Variants in SYTL2 observed in about 807,000 individuals in gnomAD.
SYTL2 encodes synaptotagmin-like protein 2.
SYTL2 carries 165 observed loss-of-function variants against 198.7 expected under a neutral mutation model. That is an observed-to-expected ratio of 0.83 (90% CI 0.73 to 0.94). The LOEUF (loss-of-function observed/expected upper bound fraction) is 0.94, where lower values mean the gene tolerates loss of function less well. Ranked by LOEUF, SYTL2 falls within the 40% of genes least tolerant of loss-of-function variation. The pLI is 0.00. For synonymous variants in SYTL2, 966 were observed against 917.7 expected (o/e 1.05, Z -0.95); for missense variants, 2,835 against 2,582.8 (o/e 1.10, Z -2.12).
At chr11:85,794,904 A>C (rs2092780506) in intron 1 of SYTL2, among the ~76,000 whole-genome samples, 1 of 151,962 alleles carries the variant, frequency 6.6e-6, no homozygotes, top group Admixed American at 6.6e-5. Context: ...CCAAGAAAAA[A>C]CAATAAAGAG....
the SYTL2 span, among the ~76,000 whole-genome samples, chr11:85,848,979 G>A: frequency 1.3e-5 from 2 of 152,178 alleles, no homozygotes; most frequent in Non-Finnish European, 2.9e-5. Context: ...AAAAAAAAGT[G>A]AACTGCAGGT....
At chr11:85,820,855 T>C in the SYTL2 span, among the ~76,000 whole-genome samples, 1 of 152,218 alleles carries the variant, frequency 6.6e-6, no homozygotes, top group Non-Finnish European at 1.5e-5. Flanking sequence ...GCATGTTATA[T>C]CTCAATTTTT....
In SYTL2 at chr11:85,726,114, G is replaced by GC. The variant is rs1379739846; in HGVS notation, c.3243dup (p.Pro1082AlafsTer4). 1 of 1,613,848 alleles carries GC rather than the reference G, an allele frequency of 6.2e-7. No homozygotes were observed. Among genetic ancestry groups the GC allele is most frequent in the East Asian group, 2.2e-5 (1 of 44,862 alleles). ...TTTTCCTTTGATGACTCATTTCCTG[G>GC]CAACTGATAAGTATACTTTCTAAGT... is the stretch of plus-strand genomic sequence containing the variant. On this transcript the variant is annotated frameshift_variant, in exon 8 of 20. Coordinates refer to ENST00000359152, the MANE Select transcript of SYTL2 (RefSeq NM_206927.4). LOFTEE classifies it high-confidence loss of function.
intron 1 of SYTL2, among the ~76,000 whole-genome samples, chr11:85,766,062 G>A (rs1444333733): frequency 6.6e-6 from 1 of 152,152 alleles, no homozygotes; most frequent in Non-Finnish European, 1.5e-5. Context: ...AGCCTTGAAG[G>A]CTGTATTAGA....
At chr11:85,719,334 C>T in intron 9 of SYTL2, 1 of 1,150,912 alleles carries the variant, frequency 8.7e-7, no homozygotes. Flanking sequence ...TCTTGGCAGG[C>T]TAGTGTGAGA....
chr11:85,832,153 T>C, the SYTL2 span, among the ~76,000 whole-genome samples: 1 of 152,170 alleles, frequency 6.6e-6, no homozygotes, highest in Non-Finnish European at 1.5e-5. Context: ...GAGGCATATC[T>C]GGCAAACAAT....
the SYTL2 span, among the ~76,000 whole-genome samples, chr11:85,816,739 T>C: frequency 6.6e-6 from 1 of 151,546 alleles, no homozygotes; most frequent in Admixed American, 6.6e-5. Context: ...GTGAGACTTG[T>C]TCTCTACAAA....
intron 4 of SYTL2, among the ~76,000 whole-genome samples, chr11:85,745,159 A>C (rs182781883): frequency 6.6e-6 from 1 of 152,308 alleles, no homozygotes; most frequent in Non-Finnish European, 1.5e-5. Context: ...GAAAGGTTAA[A>C]TGTCTTGCCC....
chr11:85,835,187 T>C, the SYTL2 span, among the ~76,000 whole-genome samples: 2 of 152,130 alleles, frequency 1.3e-5, no homozygotes, highest in Non-Finnish European at 2.9e-5. Context: ...AAGATAAGGG[T>C]CTAATTTTTA....
chr11:85,827,823 T>C, the SYTL2 span, among the ~76,000 whole-genome samples: 1,871 of 152,298 alleles, frequency 0.012, 16 homozygotes, highest in Middle Eastern at 0.031. Context: ...GAGTTTTGAC[T>C]GGAGTACAAC....
chr11:85,759,677 T>G (rs1256460622), intron 1 of SYTL2, among the ~76,000 whole-genome samples: 1 of 152,240 alleles, frequency 6.6e-6, no homozygotes, highest in Non-Finnish European at 1.5e-5. Context: ...TGGGCTTCAT[T>G]GACAGGGAAT....
chr11:85,812,806 C>T (rs898603326), upstream of SYTL2, among the ~76,000 whole-genome samples: 1 of 149,814 alleles, frequency 6.7e-6, no homozygotes. Flanking sequence ...CTGTACCTGC[C>T]TTGCTGAGGG....
chr11:85,808,769 T>C (rs2092993558), intron 1 of SYTL2, among the ~76,000 whole-genome samples: 1 of 152,212 alleles, frequency 6.6e-6, no homozygotes, highest in South Asian at 2.1e-4. Context: ...TCTTTTCCAT[T>C]GCAGGATCTT....
chr11:85,813,302 C>T (rs1218870019), upstream of SYTL2, among the ~76,000 whole-genome samples: 3 of 149,962 alleles, frequency 2.0e-5, no homozygotes, highest in African/African-American at 7.6e-5. Flanking sequence ...CCCTGTGCTT[C>T]AGTTTGCTCA....
chr11:85,783,286 C>G (rs2092589897), intron 1 of SYTL2, among the ~76,000 whole-genome samples: 1 of 152,096 alleles, frequency 6.6e-6, no homozygotes, highest in Non-Finnish European at 1.5e-5. Context: ...CTTATAAAGC[C>G]ATCAGATCTC....
chr11:85,836,437 T>C, the SYTL2 span, among the ~76,000 whole-genome samples: 1 of 152,084 alleles, frequency 6.6e-6, no homozygotes, highest in South Asian at 2.1e-4. Flanking sequence ...TCTAATCTTA[T>C]AGTCTCATAC....
chr11:85,846,781 G>T, the SYTL2 span, among the ~76,000 whole-genome samples: 1 of 148,266 alleles, frequency 6.7e-6, no homozygotes, highest in African/African-American at 2.5e-5. Flanking sequence ...GCCCAGGCTG[G>T]AGTGTGCAGT....
intron 7 of SYTL2, among the ~76,000 whole-genome samples, chr11:85,732,762 A>T (rs181426399): frequency 0.016 from 2,501 of 152,300 alleles, 33 homozygotes; most frequent in Middle Eastern, 0.034. Context: ...AATTTTTTTT[A>T]AAAAAGCAAA....
At chr11:85,810,550 A>G (rs1013936067) in intron 1 of SYTL2, among the ~76,000 whole-genome samples, 18 of 152,122 alleles carry the variant, frequency 1.2e-4, no homozygotes, top group African/African-American at 4.3e-4. Flanking sequence ...CCAACACCCC[A>G]CCTGTAAACA....
Sources: allele counts gnomAD v4.1 joint callset (sites outside exome capture counted in the v4.1 genomes callset), GRCh38; gene constraint gnomAD v4.1.1; transcripts MANE v1.5; gene names NCBI Gene and HGNC (gene_info 2026-07-23, HGNC 2026-07-21).